Variants in ZMAT4 observed in about 807,000 individuals in gnomAD.
ZMAT4 encodes zinc finger matrin-type 4.
In ZMAT4, 17 loss-of-function variants were observed where a neutral mutation model predicts 28.7. The observed-to-expected ratio is 0.59, with a 90% confidence interval of 0.41 to 0.89. The LOEUF (loss-of-function observed/expected upper bound fraction) is 0.89. ZMAT4 is among the 40% of genes least tolerant of loss of function. The probability of loss-of-function intolerance (pLI) is 0.00; values close to 1 mark genes in which losing one functional copy is unlikely to be tolerated. For synonymous variants in ZMAT4, 117 were observed against 109.2 expected, an observed-to-expected ratio of 1.07 and a Z score of -0.44; for missense variants, 240 against 283.8, an observed-to-expected ratio of 0.85 and a Z score of 1.11.
chr8:40,606,180 A>G (rs576975378), intron 5 of ZMAT4, among the ~76,000 whole-genome samples: 161 of 152,274 alleles, frequency 1.1e-3, no homozygotes, highest in South Asian at 7.9e-3. Flanking sequence ...ATTCAACATT[A>G]GTATTGAGAT....
intron 5 of ZMAT4, among the ~76,000 whole-genome samples, chr8:40,669,440 T>C (rs1331646356): frequency 6.9e-6 from 1 of 145,900 alleles, no homozygotes; most frequent in Non-Finnish European, 1.5e-5. Context: ...ACACCGAGAG[T>C]GCCTGACTGT....
chr8:40,718,490 G>A (rs1690767136), intron 3 of ZMAT4, among the ~76,000 whole-genome samples: 1 of 144,322 alleles, frequency 6.9e-6, no homozygotes, highest in African/African-American at 2.6e-5. Flanking sequence ...AAATGATTTA[G>A]GAAACTGCAA....
intron 3 of ZMAT4, among the ~76,000 whole-genome samples, chr8:40,743,851 G>A (rs1812115103): frequency 1.3e-5 from 2 of 152,150 alleles, no homozygotes; most frequent in African/African-American, 2.4e-5. Context: ...GGCTGATTCT[G>A]GCTGTGGAGC....
intron 6 of ZMAT4, among the ~76,000 whole-genome samples, chr8:40,544,075 G>A (rs1231697230): frequency 6.6e-6 from 1 of 152,158 alleles, no homozygotes; most frequent in Non-Finnish European, 1.5e-5. Context: ...GTGCACATGT[G>A]TGGGAGGGGC....
At chr8:40,874,461 AACC>A (rs2150657430) in intron 1 of ZMAT4, among the ~76,000 whole-genome samples, 1 of 152,262 alleles carries the variant, frequency 6.6e-6, no homozygotes, top group Non-Finnish European at 1.5e-5. Flanking sequence ...CATTCACCTT[AACC>A]CTTTCCTACT....
At chr8:40,714,515 G>C (rs1246151749) in intron 3 of ZMAT4, among the ~76,000 whole-genome samples, 1 of 152,126 alleles carries the variant, frequency 6.6e-6, no homozygotes, top group Admixed American at 6.5e-5. Context: ...AATTTATGAT[G>C]TATTGTTGAG....
intron 1 of ZMAT4, among the ~76,000 whole-genome samples, chr8:40,849,381 C>T (rs1294581071): frequency 6.6e-6 from 1 of 152,196 alleles, no homozygotes; most frequent in Non-Finnish European, 1.5e-5. Context: ...TAAGTAATGA[C>T]ATTTCCCCAC....
chr8:40,706,812 G>A (rs767295148), intron 3 of ZMAT4, among the ~76,000 whole-genome samples: 5 of 151,948 alleles, frequency 3.3e-5, no homozygotes, highest in African/African-American at 4.8e-5. Context: ...CTCATCTCCC[G>A]GCTGCCTGTT....
intron 5 of ZMAT4, among the ~76,000 whole-genome samples, chr8:40,673,069 G>A (rs1808747805): frequency 1.3e-5 from 2 of 152,118 alleles, no homozygotes; most frequent in Admixed American, 1.3e-4. Context: ...ACTTAGCCAT[G>A]GATCTCCAAC....
At chr8:40,722,788 G>A (rs189927854) in intron 3 of ZMAT4, among the ~76,000 whole-genome samples, 12 of 152,234 alleles carry the variant, frequency 7.9e-5, no homozygotes, top group African/African-American at 2.6e-4. Context: ...TGACTCTACC[G>A]GGAGAAGGAG....
At chr8:40,848,936 T>C (rs1025895968) in intron 1 of ZMAT4, among the ~76,000 whole-genome samples, 3 of 152,204 alleles carry the variant, frequency 2.0e-5, no homozygotes, top group Non-Finnish European at 4.4e-5. Flanking sequence ...TGACCTGCTT[T>C]GGAAATGACT....
chr8:40,890,997 C>T (rs1341343134), intron 1 of ZMAT4, among the ~76,000 whole-genome samples: 1 of 151,650 alleles, frequency 6.6e-6, no homozygotes, highest in African/African-American at 2.4e-5. Context: ...CTCTATCCAC[C>T]TAATACACCT....
At chr8:40,570,626 G>A (rs186022189) in intron 6 of ZMAT4, among the ~76,000 whole-genome samples, 1 of 152,262 alleles carries the variant, frequency 6.6e-6, no homozygotes, top group East Asian at 1.9e-4. Flanking sequence ...TTTAAGTCCA[G>A]GAAGTGGAGG....
chr8:40,869,346 T>G (rs1817775366), intron 1 of ZMAT4, among the ~76,000 whole-genome samples: 1 of 152,218 alleles, frequency 6.6e-6, no homozygotes, highest in Non-Finnish European at 1.5e-5. Flanking sequence ...TCCCTTACAC[T>G]GATATCTAAG....
At chr8:40,675,117 T>A (rs573398385) in intron 4 of ZMAT4, among the ~76,000 whole-genome samples, 186 bp from the exon 5 acceptor site, 1 of 152,282 alleles carries the variant, frequency 6.6e-6, no homozygotes, top group Admixed American at 6.5e-5. Context: ...AAATAAAAAT[T>A]CTTAATGTAT....
chr8:40,581,127 T>A (rs1335686106), intron 6 of ZMAT4, 38 bp downstream of exon 6: 25 of 1,545,738 alleles, frequency 1.6e-5, no homozygotes, highest in Non-Finnish European at 2.0e-5. Context: ...AAAAATTACA[T>A]CGAAGAAACT....
chr8:40,655,795 A>C (rs1191555104), intron 5 of ZMAT4, among the ~76,000 whole-genome samples: 1 of 152,114 alleles, frequency 6.6e-6, no homozygotes, highest in African/African-American at 2.4e-5. Context: ...ACATACAAAA[A>C]TTAAGCCAAA....
chr8:40,548,032 T>A (rs948169923), intron 6 of ZMAT4, among the ~76,000 whole-genome samples: 5 of 152,074 alleles, frequency 3.3e-5, no homozygotes, highest in African/African-American at 1.2e-4. Flanking sequence ...GACTAGCAAG[T>A]GCAAAGCTCT....
intron 5 of ZMAT4, among the ~76,000 whole-genome samples, chr8:40,644,009 A>G (rs1168099408): frequency 1.3e-5 from 2 of 152,196 alleles, no homozygotes; most frequent in Non-Finnish European, 2.9e-5. Context: ...TACTGAGATT[A>G]TGAAGGTTTT....
Sources: allele counts gnomAD v4.1 joint callset (sites outside exome capture counted in the v4.1 genomes callset), GRCh38; gene constraint gnomAD v4.1.1; transcripts MANE v1.5; gene names NCBI Gene and HGNC (gene_info 2026-07-23, HGNC 2026-07-21).